The following PLXDC2 variants were observed in gnomAD, a reference collection of about 807,000 sequenced individuals.
PLXDC2 encodes the protein plexin domain-containing protein 2.
In PLXDC2, 40 loss-of-function variants were observed where a neutral mutation model predicts 68.9. That is an observed-to-expected ratio of 0.58 (90% CI 0.45 to 0.76). The LOEUF (loss-of-function observed/expected upper bound fraction) is 0.76. PLXDC2 is among the 30% of genes least tolerant of loss of function. The probability of loss-of-function intolerance (pLI) is 0.00; values close to 1 mark genes in which losing one functional copy is unlikely to be tolerated. For synonymous variants in PLXDC2, 243 were observed against 234.2 expected (o/e 1.04, Z -0.34); for missense variants, 644 against 661.9 (o/e 0.97, Z 0.30).
At chr10:20,209,176 T>A (rs1835033961) in intron 9 of PLXDC2, among the ~76,000 whole-genome samples, 1 of 152,130 alleles carries the variant, frequency 6.6e-6, no homozygotes, top group Admixed American at 6.6e-5. Flanking sequence ...GGTGGGAATT[T>A]CCTCATCCTA....
intron 13 of PLXDC2, among the ~76,000 whole-genome samples, chr10:20,268,078 A>G (rs1027916122): frequency 6.6e-6 from 1 of 152,198 alleles, no homozygotes; most frequent in African/African-American, 2.4e-5. Context: ...ATAACATTGT[A>G]TGACAATATA....
At chr10:19,981,251 A>G (rs1834544913) in intron 1 of PLXDC2, among the ~76,000 whole-genome samples, 1 of 152,200 alleles carries the variant, frequency 6.6e-6, no homozygotes, top group Non-Finnish European at 1.5e-5. Flanking sequence ...AGTTTATTGA[A>G]GAGACAAAGC....
intron 3 of PLXDC2, among the ~76,000 whole-genome samples, chr10:20,054,005 A>C (rs974901070): frequency 1.3e-5 from 2 of 152,096 alleles, no homozygotes; most frequent in African/African-American, 4.8e-5. Context: ...CTGTCAAAGA[A>C]AGTAGTTAAA....
At chr10:19,939,898 C>G (rs1040010408) in intron 1 of PLXDC2, among the ~76,000 whole-genome samples, 1 of 151,806 alleles carries the variant, frequency 6.6e-6, no homozygotes, top group Non-Finnish European at 1.5e-5. Context: ...AATTTTCCAC[C>G]TATATAGCTT....
intron 1 of PLXDC2, among the ~76,000 whole-genome samples, chr10:19,942,541 T>C (rs770889114): frequency 9.2e-5 from 14 of 152,138 alleles, no homozygotes; most frequent in Non-Finnish European, 1.6e-4. Context: ...GGCAAGTGGA[T>C]CACTTGAGGT....
At chr10:20,267,683 A>G (rs2183983) in intron 13 of PLXDC2, among the ~76,000 whole-genome samples, 129,958 of 151,850 alleles carry the variant, frequency 0.86, 56,058 homozygotes, top group Middle Eastern at 0.95. Flanking sequence ...AATGAAAAGA[A>G]GAAGGGAAAA....
At chr10:19,942,197 A>AT (rs889461517) in intron 1 of PLXDC2, among the ~76,000 whole-genome samples, 1 of 152,196 alleles carries the variant, frequency 6.6e-6, no homozygotes, top group Non-Finnish European at 1.5e-5. Flanking sequence ...AAACTAAAAT[A>AT]TTAGAGATGC....
At chr10:20,014,903 A>G (rs184056411) in intron 2 of PLXDC2, among the ~76,000 whole-genome samples, 1 of 150,676 alleles carries the variant, frequency 6.6e-6, no homozygotes, top group Admixed American at 6.6e-5. Flanking sequence ...TTTTTTTTCC[A>G]GTTAGTGATC....
intron 1 of PLXDC2, among the ~76,000 whole-genome samples, chr10:19,819,578 A>G (rs536065072): frequency 6.6e-6 from 1 of 152,358 alleles, no homozygotes; most frequent in Non-Finnish European, 1.5e-5. Flanking sequence ...ATTTCATAAC[A>G]GGGACATTTT....
intron 1 of PLXDC2, among the ~76,000 whole-genome samples, chr10:19,829,180 G>A (rs1390678665): frequency 3.2e-5 from 1 of 30,898 alleles, no homozygotes; most frequent in Non-Finnish European, 7.4e-5. Context: ...TTTTTTTTTT[G>A]GCTTTTTGTC....
rs66483508 is a variant in PLXDC2, at chr10:20,217,596, CTTTTTTT to C, written c.1273+42_1273+48del. On this transcript the variant is annotated intron_variant, in intron 11 of 13. Transcript: ENST00000377252. ...CAGAAGGTACCCAAGAGATAGTTTG[CTTTTTTT>C]TTTTTTTTTTTTTTTTTTTTTCCCT... The C allele has an allele frequency of 4.2e-3, 3,253 of 782,382 alleles. No homozygotes were observed. The highest frequency in any genetic ancestry group is 6.3e-3 in the South Asian group (197 of 31,414). 48.5% of individuals were successfully genotyped at this position (782,382 alleles called of 1,614,324 possible).
chr10:19,994,312 A>ATTTTTTTTTTTTTTTTTTTTTTTTTTTTT (rs869124443), intron 1 of PLXDC2, among the ~76,000 whole-genome samples: 1 of 34,312 alleles, frequency 2.9e-5, no homozygotes, highest in Admixed American at 4.3e-4. Flanking sequence ...ACATGATTAA[A>ATTTTTTTTTTTTTTTTTTTTTTTTTTTTT]TTTTTTTTTT....
intron 12 of PLXDC2, among the ~76,000 whole-genome samples, chr10:20,231,539 C>G (rs1166328493): frequency 6.7e-6 from 1 of 150,036 alleles, no homozygotes; most frequent in African/African-American, 2.4e-5. Flanking sequence ...ATAATTGTGC[C>G]TAAAATTACA....
chr10:20,212,994 T>C (rs1835089415), intron 10 of PLXDC2, among the ~76,000 whole-genome samples: 2 of 152,132 alleles, frequency 1.3e-5, no homozygotes, highest in South Asian at 4.1e-4. Context: ...CTCCCAAATT[T>C]GGTTTATCTT....
chr10:19,894,755 G>C (rs1838027384), intron 1 of PLXDC2, among the ~76,000 whole-genome samples: 1 of 152,162 alleles, frequency 6.6e-6, no homozygotes, highest in African/African-American at 2.4e-5. Flanking sequence ...AGTTAGAATG[G>C]AGATCATTAA....
chr10:20,269,614 A>T (rs1012062919), intron 13 of PLXDC2, among the ~76,000 whole-genome samples: 9 of 152,292 alleles, frequency 5.9e-5, no homozygotes, highest in African/African-American at 2.2e-4. Flanking sequence ...CTATGGGCAA[A>T]TATTGAAAAT....
chr10:19,820,186 A>C lies in PLXDC2; in HGVS notation c.112+2995A>C, dbSNP rs1836436907. ...TGCCTAGAGGTTTGGAATTATTATA[A>C]TCAGGAGAATTTGCACATTTCAGTG... On this transcript the variant is annotated intron_variant, in intron 1 of 13. Transcript: ENST00000377252. 2.6e-5 allele frequency among the ~76,000 whole-genome samples: 4 copies of C among 152,286 alleles called. No individual in the cohort carries two copies. In the South Asian group the frequency reaches 8.3e-4, roughly 32 times the overall value.
At chr10:19,860,465 T>A (rs974403433) in intron 1 of PLXDC2, among the ~76,000 whole-genome samples, 2 of 152,178 alleles carry the variant, frequency 1.3e-5, no homozygotes, top group African/African-American at 4.8e-5. Context: ...GAACTAGACA[T>A]CACAAGAGTA....
intron 9 of PLXDC2, among the ~76,000 whole-genome samples, chr10:20,207,632 A>T (rs1262654148): frequency 6.6e-6 from 1 of 152,188 alleles, no homozygotes; most frequent in Non-Finnish European, 1.5e-5. Context: ...TTCAATGTTT[A>T]AACAAACTCA....
Sources: gnomAD v4.1 joint callset for allele counts (sites outside exome capture counted in the v4.1 genomes callset) on GRCh38, gnomAD v4.1.1 for gene constraint, MANE v1.5 for transcripts, NCBI Gene and HGNC (gene_info 2026-07-23, HGNC 2026-07-21) for gene names.